The following CDK14 variants were observed in gnomAD, a reference collection of about 807,000 sequenced individuals.
The protein encoded by CDK14 is cyclin-dependent kinase 14.
In CDK14, 34 loss-of-function variants were observed where a neutral mutation model predicts 60.7. That is an observed-to-expected ratio of 0.56 (90% CI 0.43 to 0.75). CDK14 has a LOEUF of 0.75. CDK14 is among the 30% of genes least tolerant of loss of function. The pLI, the probability that CDK14 is intolerant of heterozygous loss-of-function variation, is 0.00. For missense variants in CDK14, 482 were observed against 564.1 expected (o/e 0.85, Z 1.47); for synonymous variants, 197 against 203.7 (o/e 0.97, Z 0.28).
At position 90,601,412 on chromosome 7, in the gene CDK14, A is replaced by AT. The variant is rs1234221990; in HGVS notation, c.92-2803dup. Among the ~76,000 whole-genome samples, 134 of 152,348 alleles carry AT rather than the reference A, an allele frequency of 8.8e-4. 1 individual carries two copies. Among genetic ancestry groups the AT allele is most frequent in the East Asian group, 3.5e-3 (18 of 5,182 alleles). On this transcript the variant is annotated intron_variant, in intron 1 of 14. Coordinates refer to ENST00000380050, the MANE Select transcript of CDK14 (RefSeq NM_001287135.2). ...CTGCTGTTCAGGACAAGGACTCAATATTTAGAAGAAACCGTGTAAGGTGTC... is the reference window on the plus strand; with the variant it reads ...CTGCTGTTCAGGACAAGGACTCAATATTTTAGAAGAAACCGTGTAAGGTGTC...
In CDK14 at chr7:91,207,247, T is replaced by G. The variant is rs1207483076; in HGVS notation, c.*111T>G. ...TATGAAGGGAATCATGGATCAGTTT[T>G]CTTTCGCTCCCTGTGGTGGATTTCA... On this transcript the variant is annotated 3_prime_UTR_variant, in exon 15 of 15. Coordinates refer to ENST00000380050, the MANE Select transcript of CDK14 (RefSeq NM_001287135.2). 6.6e-6 allele frequency: 1 copy of G among 152,226 alleles called. No individual in the cohort carries two copies. The highest frequency in any genetic ancestry group is 1.5e-5 in the Non-Finnish European group (1 of 68,042). 9.4% of individuals were successfully genotyped at this position (152,226 alleles called of 1,614,324 possible).
intron 2 of CDK14, among the ~76,000 whole-genome samples, chr7:90,702,796 G>A (rs530643104): frequency 6.6e-6 from 1 of 152,218 alleles, no homozygotes; most frequent in East Asian, 1.9e-4. Flanking sequence ...TACTACATAA[G>A]TGGCAAAGGT....
intron 5 of CDK14, among the ~76,000 whole-genome samples, chr7:90,835,192 G>A (rs527656100): frequency 1.3e-5 from 2 of 152,310 alleles, no homozygotes; most frequent in South Asian, 4.2e-4. Flanking sequence ...ATGGATGCCA[G>A]ATTAGAGTAG....
intron 3 of CDK14, among the ~76,000 whole-genome samples, chr7:90,744,920 A>G (rs964958625): frequency 1.3e-5 from 2 of 152,094 alleles, no homozygotes; most frequent in African/African-American, 4.8e-5. Flanking sequence ...TTCTTATTTT[A>G]TAAAATTTTA....
intron 2 of CDK14, among the ~76,000 whole-genome samples, chr7:90,641,486 T>G (rs1800330995): frequency 6.6e-6 from 1 of 152,176 alleles, no homozygotes; most frequent in Admixed American, 6.5e-5. Flanking sequence ...TGAGTGAACT[T>G]TGATAACATT....
rs941778738 is a variant in CDK14 at position 90,647,418 on chromosome 7, C to T, written c.123+43169C>T. Reference sequence around the variant, plus strand: ...ACAATGTTTCAGTCTATAAGTGAATCTTATTTCTAATTATTAAAAGAATGA... The same window carrying T: ...ACAATGTTTCAGTCTATAAGTGAATTTTATTTCTAATTATTAAAAGAATGA... On this transcript the variant is annotated intron_variant, in intron 2 of 14. Transcript: ENST00000380050. Among the ~76,000 whole-genome samples the T allele has an allele frequency of 4.6e-5, 7 of 152,050 alleles. No homozygotes were observed. The East Asian group carries it at 9.7e-4, about 21-fold the overall frequency.
intron 10 of CDK14, among the ~76,000 whole-genome samples, chr7:90,997,203 A>G (rs1795711430): frequency 6.6e-6 from 1 of 152,138 alleles, no homozygotes; most frequent in South Asian, 2.1e-4. Flanking sequence ...TTTTGCTCTT[A>G]TTCTCCTAAT....
intron 9 of CDK14, among the ~76,000 whole-genome samples, chr7:90,962,433 T>A (rs1794628410): frequency 6.6e-6 from 1 of 151,848 alleles, no homozygotes; most frequent in Non-Finnish European, 1.5e-5. Flanking sequence ...TTACAGTGAG[T>A]TGAGATCGCA....
Position 90,788,718 on chromosome 7 carries a change from C to T in CDK14, c.465-1855C>T, listed in dbSNP as rs76127879. Among the ~76,000 whole-genome samples, 821 of 152,208 alleles carry T rather than the reference C, an allele frequency of 5.4e-3. 9 individuals are homozygous for T. The highest frequency in any genetic ancestry group is 0.018 in the African/African-American group (741 of 41,536). On this transcript the variant is annotated intron_variant, in intron 4 of 14. Transcript: ENST00000380050. ...TTTATGTCTATGGCAGTTTTTTGAG[C>T]GAAAGCAGACCAAATAGATGTAGGT...
chr7:90,983,775 C>G (rs2115640492), intron 9 of CDK14, among the ~76,000 whole-genome samples: 1 of 151,868 alleles, frequency 6.6e-6, no homozygotes, highest in East Asian at 1.9e-4. Flanking sequence ...GAACAGGAAA[C>G]CAAATACTGC....
At chr7:90,825,399 A>C (rs907508856) in intron 5 of CDK14, among the ~76,000 whole-genome samples, 1 of 152,202 alleles carries the variant, frequency 6.6e-6, no homozygotes, top group African/African-American at 2.4e-5. Context: ...GGAGAGTTAT[A>C]CTCATTTGCA....
rs76456032 is a variant in CDK14, at chr7:90,613,758, C to T, written c.123+9509C>T. ...AGTCTTTCTGTACAGCCTAACTACTCTATTTTCTTCAACAAGTGCAAAATG... is the reference window on the plus strand; with the variant it reads ...AGTCTTTCTGTACAGCCTAACTACTTTATTTTCTTCAACAAGTGCAAAATG... On this transcript the variant is annotated intron_variant, in intron 2 of 14. Coordinates refer to ENST00000380050, the MANE Select transcript of CDK14 (RefSeq NM_001287135.2). Among the ~76,000 whole-genome samples the T allele has an allele frequency of 8.8e-3, 1,346 of 152,248 alleles. 24 individuals are homozygous for T. The highest frequency in any genetic ancestry group is 0.028 in the African/African-American group (1,183 of 41,534).
intron 14 of CDK14, among the ~76,000 whole-genome samples, chr7:91,154,170 T>A (rs763564315): frequency 1.5e-4 from 23 of 150,696 alleles, no homozygotes; most frequent in Non-Finnish European, 3.3e-4. Context: ...TGTCTTTGCT[T>A]TTTTTTTTTA....
chr7:91,069,960 C>A (rs1481743641), intron 11 of CDK14, among the ~76,000 whole-genome samples: 1 of 152,128 alleles, frequency 6.6e-6, no homozygotes, highest in Non-Finnish European at 1.5e-5. Context: ...CCACACCTAG[C>A]TGATTTTTCA....
At chr7:90,909,941 C>G (rs144708486) in intron 7 of CDK14, among the ~76,000 whole-genome samples, 2 of 152,122 alleles carry the variant, frequency 1.3e-5, no homozygotes, top group Non-Finnish European at 2.9e-5. Context: ...AGAACTCAAA[C>G]AGGGCAAAAC....
chr7:90,912,767 C>T (rs1264626092), intron 7 of CDK14, among the ~76,000 whole-genome samples: 1 of 152,032 alleles, frequency 6.6e-6, no homozygotes, highest in Non-Finnish European at 1.5e-5. Flanking sequence ...GCCACCATGC[C>T]TGGCTAAGTT....
chr7:91,090,040 A>C (rs934595337), intron 12 of CDK14, among the ~76,000 whole-genome samples: 2 of 152,156 alleles, frequency 1.3e-5, no homozygotes, highest in East Asian at 3.8e-4. Flanking sequence ...AAAAAATTCT[A>C]GTGCCTTTTA....
chr7:91,078,536 G>A (rs1213960773), intron 11 of CDK14, among the ~76,000 whole-genome samples: 3 of 152,176 alleles, frequency 2.0e-5, no homozygotes, highest in Admixed American at 2.0e-4. Flanking sequence ...GAATCCGGGA[G>A]GCGGAGGTTG....
intron 10 of CDK14, among the ~76,000 whole-genome samples, chr7:91,020,751 T>C (rs1267214474): frequency 6.6e-6 from 1 of 152,188 alleles, no homozygotes; most frequent in Non-Finnish European, 1.5e-5. Flanking sequence ...ACAAACTTAG[T>C]GGCTTAAAGC....
Sources: allele counts gnomAD v4.1 joint callset (sites outside exome capture counted in the v4.1 genomes callset), GRCh38; gene constraint gnomAD v4.1.1; transcripts MANE v1.5; gene names NCBI Gene and HGNC (gene_info 2026-07-23, HGNC 2026-07-21).